Variants in ZNF346 observed in about 807,000 individuals in gnomAD.
ZNF346 encodes double-stranded RNA-binding zinc finger protein JAZ.
ZNF346 carries 23 observed loss-of-function variants against 33.7 expected under a neutral mutation model. That is an observed-to-expected ratio of 0.68 (90% CI 0.49 to 0.97). The LOEUF (loss-of-function observed/expected upper bound fraction) is 0.97, where lower values mean the gene tolerates loss of function less well. ZNF346 is among the 50% of genes least tolerant of loss of function. ZNF346 has a pLI of 0.00. For synonymous variants in ZNF346, 134 were observed against 142.4 expected (o/e 0.94, Z 0.42); for missense variants, 340 against 371.1 (o/e 0.92, Z 0.69).
chr5:177,038,638 T>C (rs1041262359), intron 1 of ZNF346, among the ~76,000 whole-genome samples: 2 of 151,410 alleles, frequency 1.3e-5, no homozygotes, highest in African/African-American at 4.9e-5. Context: ...GGCCAGAGAG[T>C]GCATTCCAGC....
chr5:177,050,666 T>A (rs1477113935), intron 4 of ZNF346, 85 bp from the exon 5 acceptor site: 1 of 1,516,340 alleles, frequency 6.6e-7, no homozygotes, highest in East Asian at 2.3e-5. Flanking sequence ...ACCTTCTGGG[T>A]TTTTTCATTG....
Position 177,065,379 on chromosome 5 carries a change from G to A in ZNF346, c.*780G>A, listed in dbSNP as rs558784185. 1.3e-5 allele frequency: 2 copies of A among 152,752 alleles called. No individual in the cohort carries two copies. Among genetic ancestry groups the A allele is most frequent in the South Asian group, 2.1e-4 (1 of 4,824 alleles). The allele number at this position is 152,752 out of a possible 1,614,324, so 9.5% of individuals were successfully genotyped here. A position where few individuals can be genotyped will look rare whatever the true frequency, so the allele number is the denominator to read the frequency against. On this transcript the variant is annotated 3_prime_UTR_variant, in exon 7 of 7. Transcript: ENST00000358149. ...GAGGTGCTCTGACCCTAGGTTACAC[G>A]GGAAAGTGCCCCACATGCAAGTCTC... is the stretch of plus-strand genomic sequence containing the variant.
Position 177,077,321 on chromosome 5 carries a change from G to A in ZNF346, c.*3-2061G>A, listed in dbSNP as rs2149721789. Reference sequence around the variant, plus strand: ...GAGAGTGGAGACACAAAGGAAGGGTGTTCTACTGAGAAGGAGCCTTTTATT... The same window carrying A: ...GAGAGTGGAGACACAAAGGAAGGGTATTCTACTGAGAAGGAGCCTTTTATT... On this transcript the variant is annotated intron_variant, in intron 8 of 8. Coordinates refer to the ZNF346 transcript ENST00000503039. This position sits in a 1 kb window ranked among gnomAD's most constrained non-coding sequence, Gnocchi z 5.0. Among the ~76,000 whole-genome samples, 1 of 152,290 alleles carries A rather than the reference G, an allele frequency of 6.6e-6. No homozygotes were observed. Among genetic ancestry groups the A allele is most frequent in the East Asian group, 1.9e-4 (1 of 5,184 alleles).
downstream of ZNF346, among the ~76,000 whole-genome samples, chr5:177,072,337 G>C (rs973354368): frequency 2.0e-5 from 3 of 152,218 alleles, no homozygotes; most frequent in African/African-American, 7.2e-5. Flanking sequence ...TTAGTCACCT[G>C]TCTAGAAGTA....
At position 177,023,222 on chromosome 5, in the gene ZNF346, C is replaced by G. The variant is rs1246580868; in HGVS notation, c.175+309C>G. The G allele has an allele frequency of 4.6e-6, 7 of 1,536,272 alleles. No homozygotes were observed. The Admixed American group carries it at 7.8e-5, about 17-fold the overall frequency. On this transcript the variant is annotated intron_variant, in intron 1 of 6. Transcript: ENST00000358149. ...ACTCGTCCTGTCGGAGACCTACAGT[C>G]TTTGCCATCCCGGTAAGCCAAGCCG...
intron 1 of ZNF346, among the ~76,000 whole-genome samples, chr5:177,025,304 C>G (rs1049434387): frequency 6.6e-6 from 1 of 152,144 alleles, no homozygotes; most frequent in African/African-American, 2.4e-5. Flanking sequence ...TTAATCCATT[C>G]ATTAGTTCTA....
intron 5 of ZNF346, among the ~76,000 whole-genome samples, chr5:177,053,680 C>T (rs576251807): frequency 2.0e-5 from 3 of 152,206 alleles, no homozygotes; most frequent in Admixed American, 2.0e-4. Context: ...TTCTTGTTTG[C>T]TATGAATTCA....
At chr5:177,046,724 T>C (rs1220937404) in intron 4 of ZNF346, among the ~76,000 whole-genome samples, 2 of 152,222 alleles carry the variant, frequency 1.3e-5, no homozygotes, top group East Asian at 1.9e-4. Context: ...CCTATAATCT[T>C]ATTGTTATAT....
downstream of ZNF346, among the ~76,000 whole-genome samples, chr5:177,068,921 A>G (rs1783363950): frequency 7.0e-6 from 1 of 143,236 alleles, no homozygotes; most frequent in Non-Finnish European, 1.5e-5. Context: ...ATGAATCCTC[A>G]CTTACATGTA....
chr5:177,063,520 A>G (rs1782802997), intron 6 of ZNF346, among the ~76,000 whole-genome samples: 1 of 152,154 alleles, frequency 6.6e-6, no homozygotes, highest in Non-Finnish European at 1.5e-5. Context: ...ACAGTGTTTC[A>G]GCATACATAC....
rs572793515 is a variant in ZNF346, at chr5:177,064,747, G to T, written c.*148G>T. Reference sequence around the variant, plus strand: ...TTGGGCCACAGACAGCCTCTCATTGGTCCGGGCTAATTCACTCCTGCTGCT... The same window carrying T: ...TTGGGCCACAGACAGCCTCTCATTGTTCCGGGCTAATTCACTCCTGCTGCT... On this transcript the variant is annotated 3_prime_UTR_variant, in exon 7 of 7. Transcript: ENST00000358149. The T allele has an allele frequency of 9.0e-6, 6 of 666,180 alleles. No homozygotes were observed. In the South Asian group the frequency reaches 1.1e-4, roughly 12 times the overall value. The allele number at this position is 666,180 out of a possible 1,614,324, so 41.3% of individuals were successfully genotyped here. A position where few individuals can be genotyped will look rare whatever the true frequency, so the allele number is the denominator to read the frequency against.
At chr5:177,047,849 G>A (rs1780302009) in intron 4 of ZNF346, among the ~76,000 whole-genome samples, 1 of 152,028 alleles carries the variant, frequency 6.6e-6, no homozygotes, top group Non-Finnish European at 1.5e-5. Context: ...ATGTTGGCCA[G>A]GCAGATCTCT....
At chr5:177,074,504 A>G (rs1422818741) in intron 8 of ZNF346, among the ~76,000 whole-genome samples, 1 of 152,220 alleles carries the variant, frequency 6.6e-6, no homozygotes. Flanking sequence ...GATTCACACC[A>G]GGACTTACAG....
intron 1 of ZNF346, among the ~76,000 whole-genome samples, chr5:177,034,577 T>C (rs141719751): frequency 9.2e-5 from 14 of 152,340 alleles, no homozygotes; most frequent in Non-Finnish European, 1.8e-4. Flanking sequence ...AAAAGTTCTC[T>C]GTGTTCCTAC....
chr5:177,051,399 TCTC>T (rs1780868632), intron 5 of ZNF346, among the ~76,000 whole-genome samples: 2 of 151,910 alleles, frequency 1.3e-5, no homozygotes, highest in Non-Finnish European at 1.5e-5. Flanking sequence ...ATGGTCTCGA[TCTC>T]CTGACCTTGT....
At chr5:177,059,316 C>T (rs538853440) in intron 5 of ZNF346, among the ~76,000 whole-genome samples, 47 of 152,320 alleles carry the variant, frequency 3.1e-4, no homozygotes, top group Admixed American at 1.3e-3. Flanking sequence ...CCAGAGCCCA[C>T]ATTGAAACCC....
In ZNF346 at chr5:177,061,356, A is replaced by C. The variant is rs1052378592; in HGVS notation, c.704-702A>C. 4.6e-5 allele frequency among the ~76,000 whole-genome samples: 7 copies of C among 151,986 alleles called. No homozygotes were observed. In the East Asian group the frequency reaches 1.4e-3, roughly 30 times the overall value. Reference sequence around the variant, plus strand: ...GCTACTTGGGAGGCTGAGGCAGGAGAATCCCTCGAACCCGGGAGGCACAGG... The same window carrying C: ...GCTACTTGGGAGGCTGAGGCAGGAGCATCCCTCGAACCCGGGAGGCACAGG... On this transcript the variant is annotated intron_variant, in intron 5 of 6. Transcript: ENST00000358149.
chr5:177,078,676 C>G (rs1300338432), intron 8 of ZNF346, among the ~76,000 whole-genome samples: 4 of 152,178 alleles, frequency 2.6e-5, no homozygotes, highest in African/African-American at 9.7e-5. Flanking sequence ...CTTTGGGAGG[C>G]CAAGGCAGGC....
At chr5:177,030,906 A>ATTTTTTTTTTT (rs760757696) in intron 1 of ZNF346, among the ~76,000 whole-genome samples, 3 of 103,526 alleles carry the variant, frequency 2.9e-5, no homozygotes, top group African/African-American at 3.6e-5. Context: ...GCTTAGTGTA[A>ATTTTTTTTTTT]TTTTTTTTTT....
Sources: gnomAD v4.1 joint callset for allele counts (sites outside exome capture counted in the v4.1 genomes callset) on GRCh38, gnomAD v4.1.1 for gene constraint, Gnocchi (gnomAD v3.1) non-coding constraint, MANE v1.5 for transcripts, NCBI Gene and HGNC (gene_info 2026-07-23, HGNC 2026-07-21) for gene names.